Variants in NUMB observed in about 807,000 individuals in gnomAD.
NUMB encodes NUMB endocytic adaptor protein, also known as protein numb homolog.
A neutral mutation model predicts 59.7 loss-of-function variants in NUMB; 29 were observed. The observed-to-expected ratio is 0.49, with a 90% CI of 0.36 to 0.66. NUMB has a LOEUF of 0.66. NUMB is among the 30% of genes least tolerant of loss of function. NUMB has a pLI of 0.00. For synonymous variants in NUMB, 288 were observed against 288.2 expected (o/e 1.00, Z 0.01); for missense variants, 723 against 822.0 (o/e 0.88, Z 1.47).
intron 2 of NUMB, among the ~76,000 whole-genome samples, chr14:73,405,027 G>A (rs1419056726): frequency 6.6e-6 from 1 of 152,106 alleles, no homozygotes; most frequent in African/African-American, 2.4e-5. Flanking sequence ...CCAAAGTGCT[G>A]GGATTACAGG....
intron 2 of NUMB, among the ~76,000 whole-genome samples, chr14:73,383,947 G>A (rs1258029596): frequency 3.3e-5 from 5 of 152,056 alleles, no homozygotes; most frequent in Admixed American, 1.3e-4. Flanking sequence ...AACTCAGGAG[G>A]CAGAGGTTGC....
chr14:73,303,047 A>G (rs8011283), intron 6 of NUMB, among the ~76,000 whole-genome samples: 84,181 of 151,506 alleles, frequency 0.56, 23,993 homozygotes, highest in East Asian at 0.73. Flanking sequence ...GCGAAACCCC[A>G]TCTCTACTAA....
At chr14:73,416,614 G>A (rs1049181653) in intron 1 of NUMB, among the ~76,000 whole-genome samples, 3 of 152,146 alleles carry the variant, frequency 2.0e-5, no homozygotes, top group African/African-American at 7.2e-5. Context: ...GCCAAGGAGG[G>A]AGGATCACAT....
At chr14:73,317,918 C>T (rs1345458427) in intron 5 of NUMB, among the ~76,000 whole-genome samples, 1 of 152,194 alleles carries the variant, frequency 6.6e-6, no homozygotes, top group Non-Finnish European at 1.5e-5. Context: ...AAATCTGACT[C>T]TTTTACACAA....
chr14:73,280,548 A>G (rs1888552567), intron 11 of NUMB, among the ~76,000 whole-genome samples: 1 of 151,974 alleles, frequency 6.6e-6, no homozygotes, highest in Non-Finnish European at 1.5e-5. Flanking sequence ...CTTTTACTCC[A>G]GATACCTATA....
chr14:73,277,751 G>A (rs944182244), intron 12 of NUMB, among the ~76,000 whole-genome samples: 1 of 138,676 alleles, frequency 7.2e-6, no homozygotes, highest in Non-Finnish European at 1.5e-5. Flanking sequence ...AACACAGTGA[G>A]AATTCTGTCT....
rs144615373 is a variant in NUMB, at chr14:73,376,143, T to C, written c.-100-9162A>G. Reference sequence around the variant, plus strand: ...TGTTCACAAATGACAAGACTTCCCATGTAGAAAACCTGAAAGAATCAATGA... The same window carrying C: ...TGTTCACAAATGACAAGACTTCCCACGTAGAAAACCTGAAAGAATCAATGA... On this transcript the variant is annotated intron_variant, in intron 2 of 12. Coordinates refer to ENST00000555238, the MANE Select transcript of NUMB (RefSeq NM_001005743.2). Among the ~76,000 whole-genome samples, 371 of 152,284 alleles carry C rather than the reference T, an allele frequency of 2.4e-3. 1 individual carries two copies. Among genetic ancestry groups the C allele is most frequent in the African/African-American group, 8.8e-3 (364 of 41,556 alleles).
intron 1 of NUMB, among the ~76,000 whole-genome samples, chr14:73,410,980 C>T (rs1896868653): frequency 6.6e-6 from 1 of 152,156 alleles, no homozygotes; most frequent in Non-Finnish European, 1.5e-5. Flanking sequence ...GTTAAGTCTT[C>T]TAATACAGGT....
At chr14:73,373,216 A>G (rs1894792038) in intron 2 of NUMB, among the ~76,000 whole-genome samples, 1 of 152,204 alleles carries the variant, frequency 6.6e-6, no homozygotes, top group African/African-American at 2.4e-5. Context: ...ATACAGAAAG[A>G]AGGGATAAAA....
At chr14:73,416,332 CTTTTTT>C (rs3028740) in intron 1 of NUMB, among the ~76,000 whole-genome samples, 2 of 141,312 alleles carry the variant, frequency 1.4e-5, no homozygotes, top group African/African-American at 5.2e-5. Flanking sequence ...TTTTTCTTTT[CTTTTTT>C]TTTTTTTTTA....
At chr14:73,451,167 A>AAAAC (rs1883925597) in intron 1 of NUMB, among the ~76,000 whole-genome samples, 1 of 139,314 alleles carries the variant, frequency 7.2e-6, no homozygotes, top group Non-Finnish European at 1.5e-5. Context: ...AAAAAAAAAA[A>AAAAC]AAAAAAACAA....
At chr14:73,416,852 A>G (rs887433243) in intron 1 of NUMB, among the ~76,000 whole-genome samples, 1 of 151,948 alleles carries the variant, frequency 6.6e-6, no homozygotes. Flanking sequence ...GGCCGGCCCT[A>G]AATGGGAACA....
chr14:73,348,693 C>T (rs905665173), intron 4 of NUMB, among the ~76,000 whole-genome samples: 2 of 152,226 alleles, frequency 1.3e-5, no homozygotes, highest in Non-Finnish European at 2.9e-5. Flanking sequence ...AAATTATCTT[C>T]CACGAAACCA....
chr14:73,318,935 A>G (rs1891235865), intron 5 of NUMB, among the ~76,000 whole-genome samples: 1 of 152,216 alleles, frequency 6.6e-6, no homozygotes, highest in African/African-American at 2.4e-5. Context: ...TTTTGGTGAA[A>G]AACACTTGCA....
At chr14:73,373,478 T>C (rs1268521741) in intron 2 of NUMB, among the ~76,000 whole-genome samples, 1 of 152,208 alleles carries the variant, frequency 6.6e-6, no homozygotes, top group East Asian at 1.9e-4. Flanking sequence ...GCACTGTTCT[T>C]GGTGCTTAGG....
At chr14:73,321,852 T>C (rs568779146) in intron 5 of NUMB, among the ~76,000 whole-genome samples, 17 of 152,334 alleles carry the variant, frequency 1.1e-4, no homozygotes, top group Admixed American at 3.3e-4. Context: ...TATCTTTTTT[T>C]AAAATTTTTT....
At chr14:73,395,623 A>C (rs1269136684) in intron 2 of NUMB, among the ~76,000 whole-genome samples, 1 of 152,182 alleles carries the variant, frequency 6.6e-6, no homozygotes, top group East Asian at 1.9e-4. Context: ...TCTGTCTGTA[A>C]AATAATAAAA....
chr14:73,276,888 TGGGCAGCCTGA>T lies in NUMB; in HGVS notation c.1635_1645del (p.Gln546SerfsTer28), dbSNP rs750341482. 1.2e-6 allele frequency: 2 copies of T among 1,613,868 alleles called. No individual in the cohort carries two copies. The highest frequency in any genetic ancestry group is 1.1e-5 in the South Asian group (1 of 91,086). On this transcript the variant is annotated frameshift_variant, in exon 13 of 13. Transcript: ENST00000555238. LOFTEE classifies it high-confidence loss of function. ...GACCAGGCTGGGTGACTGATGGGGA[TGGGCAGCCTGA>T]GGGTGGCCTGCAGTGCCAAATACGT...
intron 4 of NUMB, among the ~76,000 whole-genome samples, chr14:73,350,260 G>C (rs1449045188): frequency 6.8e-6 from 1 of 146,394 alleles, no homozygotes; most frequent in Non-Finnish European, 1.5e-5. Context: ...TGCAACCTCT[G>C]CCTCCCGGGT....
Sources: allele counts gnomAD v4.1 joint callset (sites outside exome capture counted in the v4.1 genomes callset), GRCh38; gene constraint gnomAD v4.1.1; transcripts MANE v1.5; gene names NCBI Gene and HGNC (gene_info 2026-07-23, HGNC 2026-07-21).